Variants in CSTPP1 observed in about 807,000 individuals in gnomAD.
CSTPP1 encodes the protein UPF0705 protein C11orf49.
the CSTPP1 span, among the ~76,000 whole-genome samples, chr11:47,006,035 T>G: frequency 6.6e-6 from 1 of 152,222 alleles, no homozygotes; most frequent in East Asian, 1.9e-4. Flanking sequence ...CATTTTACCT[T>G]TTTAGAATGT....
At chr11:46,964,002 A>C in the CSTPP1 span, among the ~76,000 whole-genome samples, 3 of 152,088 alleles carry the variant, frequency 2.0e-5, no homozygotes, top group Admixed American at 6.6e-5. Flanking sequence ...TTATCCCTCA[A>C]AGAAAAAGGA....
At chr11:47,137,526 A>G in the CSTPP1 span, 1 of 1,554,506 alleles carries the variant, frequency 6.4e-7, no homozygotes, top group Non-Finnish European at 8.7e-7. Context: ...CTTCACACTG[A>G]CTTGCTTTTA....
the CSTPP1 span, among the ~76,000 whole-genome samples, chr11:47,049,413 G>A: frequency 6.6e-6 from 1 of 152,004 alleles, no homozygotes; most frequent in African/African-American, 2.4e-5. Flanking sequence ...GAGATGGGTG[G>A]ATCACTTGAA....
At chr11:47,150,913 G>A in the CSTPP1 span, among the ~76,000 whole-genome samples, 1 of 134,396 alleles carries the variant, frequency 7.4e-6, no homozygotes, top group Admixed American at 8.1e-5. Context: ...TTGACATGGA[G>A]TCTTGCTCTG....
the CSTPP1 span, among the ~76,000 whole-genome samples, chr11:47,125,108 A>G: frequency 6.6e-6 from 1 of 152,206 alleles, no homozygotes; most frequent in Non-Finnish European, 1.5e-5. Context: ...TTCCCGATAC[A>G]TATCCATATA....
the CSTPP1 span, among the ~76,000 whole-genome samples, chr11:47,036,659 T>C: frequency 1.6e-5 from 2 of 125,038 alleles, no homozygotes; most frequent in East Asian, 4.2e-4. Context: ...TGTGAGCTCA[T>C]AGATTTGTTT....
At chr11:46,991,552 G>C in the CSTPP1 span, 2 of 152,196 alleles carry the variant, frequency 1.3e-5, no homozygotes, top group African/African-American at 4.8e-5. Context: ...GAACAGACAA[G>C]TGAACTGACA....
the CSTPP1 span, among the ~76,000 whole-genome samples, chr11:46,999,564 T>C: frequency 6.6e-6 from 1 of 152,220 alleles, no homozygotes; most frequent in Non-Finnish European, 1.5e-5. Context: ...TTCTCCCTTA[T>C]GAACTATACT....
the CSTPP1 span, among the ~76,000 whole-genome samples, chr11:47,091,172 AG>A: frequency 6.6e-6 from 1 of 151,684 alleles, no homozygotes; most frequent in Admixed American, 6.6e-5. Context: ...CAGGCGGATC[AG>A]GAGGTCAGGA....
chr11:47,072,444 C>T, the CSTPP1 span, among the ~76,000 whole-genome samples: 2 of 152,184 alleles, frequency 1.3e-5, no homozygotes, highest in Non-Finnish European at 2.9e-5. Flanking sequence ...ACCATCACCA[C>T]TATCGTTTAA....
the CSTPP1 span, among the ~76,000 whole-genome samples, chr11:46,996,902 T>C: frequency 5.9e-5 from 9 of 152,224 alleles, no homozygotes. Flanking sequence ...TTCTGGCTTG[T>C]AGAGTTTCTG....
At chr11:47,161,419 TACAGGAGGCCTCTCGCTGC>T in the CSTPP1 span, 3 of 1,610,834 alleles carry the variant, frequency 1.9e-6, no homozygotes, top group Non-Finnish European at 2.5e-6. Flanking sequence ...CTGCTCTCTG[TACAGGAGGCCTCTCGCTGC>T]CCTCCAGGCT....
At chr11:47,034,291 T>A in the CSTPP1 span, among the ~76,000 whole-genome samples, 1 of 151,930 alleles carries the variant, frequency 6.6e-6, no homozygotes, top group Admixed American at 6.6e-5. Flanking sequence ...AGCTCAGGGG[T>A]TACCAGCTTT....
At chr11:47,110,907 T>TTTTTTTTTA in the CSTPP1 span, among the ~76,000 whole-genome samples, 10 of 150,524 alleles carry the variant, frequency 6.6e-5, no homozygotes, top group South Asian at 2.1e-4. Context: ...TTTTTTTTTT[T>TTTTTTTTTA]GAGACAGAGT....
At chr11:46,966,332 C>T in the CSTPP1 span, among the ~76,000 whole-genome samples, 3 of 152,160 alleles carry the variant, frequency 2.0e-5, no homozygotes, top group Non-Finnish European at 4.4e-5. Context: ...TGAGCCACCG[C>T]GCCTGGCCCA....
chr11:47,025,837 A>T, the CSTPP1 span, among the ~76,000 whole-genome samples: 2 of 152,244 alleles, frequency 1.3e-5, no homozygotes, highest in Non-Finnish European at 2.9e-5. Flanking sequence ...TGCCAAGCAT[A>T]GATATACAGT....
At chr11:47,109,505 GTCA>G in the CSTPP1 span, among the ~76,000 whole-genome samples, 1 of 152,208 alleles carries the variant, frequency 6.6e-6, no homozygotes, top group Admixed American at 6.5e-5. Flanking sequence ...TCATTTGCGG[GTCA>G]GATGCTTTGG....
At chr11:46,951,295 C>CTT in the CSTPP1 span, among the ~76,000 whole-genome samples, 35 of 127,648 alleles carry the variant, frequency 2.7e-4, no homozygotes, top group Non-Finnish European at 3.0e-4. Flanking sequence ...TCCTTAGACT[C>CTT]TTTTTTTTTT....
At chr11:47,093,826 TG>T in the CSTPP1 span, among the ~76,000 whole-genome samples, 1 of 152,246 alleles carries the variant, frequency 6.6e-6, no homozygotes, top group African/African-American at 2.4e-5. Flanking sequence ...AATAGCTTCT[TG>T]ATAAATGTTA....
Sources: allele counts gnomAD v4.1 joint callset (sites outside exome capture counted in the v4.1 genomes callset), GRCh38; gene constraint gnomAD v4.1.1; transcripts MANE v1.5; gene names NCBI Gene and HGNC (gene_info 2026-07-23, HGNC 2026-07-21).